PRXL2A: variants seen among roughly 807,000 people sequenced by gnomAD.
PRXL2A encodes peroxiredoxin-like 2A.
In PRXL2A, 26 loss-of-function variants were observed where a neutral mutation model predicts 25.6. The observed-to-expected ratio is 1.02, with a 90% CI of 0.74 to 1.41. The LOEUF (loss-of-function observed/expected upper bound fraction) is 1.41. PRXL2A is among the 40% of genes most tolerant of loss of function. PRXL2A has a pLI of 0.00. For missense variants in PRXL2A, 246 were observed against 273.9 expected (o/e 0.90, Z 0.72); for synonymous variants, 98 against 102.9 (o/e 0.95, Z 0.29).
chr10:80,423,553 G>A (rs1479470873), intron 3 of PRXL2A, among the ~76,000 whole-genome samples: 1 of 152,224 alleles, frequency 6.6e-6, no homozygotes, highest in Non-Finnish European at 1.5e-5. Flanking sequence ...ATGCTTGTGT[G>A]GCTGGGCTGG....
Position 80,434,022 on chromosome 10 carries a change from A to G in PRXL2A, c.*1923A>G, listed in dbSNP as rs1845337090. 6.6e-6 allele frequency: 1 copy of G among 152,296 alleles called. No individual in the cohort carries two copies. The highest frequency in any genetic ancestry group is 1.5e-5 in the Non-Finnish European group (1 of 68,124). The allele number at this position is 152,296 out of a possible 1,614,324, so 9.4% of individuals were successfully genotyped here. Reference sequence around the variant, plus strand: ...GTGGTACATGCCTGTAATCCCAGCTACTTGGGAGGCTGAGGCAGGAGAATC... The same window carrying G: ...GTGGTACATGCCTGTAATCCCAGCTGCTTGGGAGGCTGAGGCAGGAGAATC... On this transcript the variant is annotated 3_prime_UTR_variant, in exon 6 of 6. Transcript: ENST00000606162.
chr10:80,415,552 C>T (rs1469236082), intron 1 of PRXL2A, among the ~76,000 whole-genome samples: 1 of 152,230 alleles, frequency 6.6e-6, no homozygotes, highest in African/African-American at 2.4e-5. Context: ...GCTACCCAGA[C>T]TGGCTGTTAT....
At chr10:80,421,996 C>G (rs539802710) in intron 2 of PRXL2A, among the ~76,000 whole-genome samples, 1 of 152,170 alleles carries the variant, frequency 6.6e-6, no homozygotes, top group African/African-American at 2.4e-5. Context: ...TCCTCTCCTT[C>G]GTTAATAATA....
rs1014899133 is a variant in PRXL2A at position 80,432,495 on chromosome 10, C to T, written c.*396C>T. 1.9e-5 allele frequency: 3 copies of T among 158,706 alleles called. No homozygotes were observed. The highest frequency in any genetic ancestry group is 7.2e-5 in the African/African-American group (3 of 41,396). 9.8% of individuals were successfully genotyped at this position (158,706 alleles called of 1,614,324 possible). ...GTCTCTACTAAAAATACAAAAATCA[C>T]CCGGGTGTGGTGGCAGGCACCTGTA... On this transcript the variant is annotated 3_prime_UTR_variant, in exon 6 of 6. Transcript: ENST00000606162.
chr10:80,432,655 A>T lies in PRXL2A; in HGVS notation c.*556A>T, dbSNP rs962911073. On this transcript the variant is annotated 3_prime_UTR_variant, in exon 6 of 6. Transcript: ENST00000606162. ...CTAACTAAAAAAAAAAAAAAAAAAA[A>T]ATTGATTGCTGTGCCTCATTACAAA... 1.3e-5 allele frequency: 2 copies of T among 151,318 alleles called. No individual in the cohort carries two copies. Among genetic ancestry groups the T allele is most frequent in the African/African-American group, 4.9e-5 (2 of 41,106 alleles). The allele number at this position is 151,318 out of a possible 1,614,324, so 9.4% of individuals were successfully genotyped here.
chr10:80,424,013 C>G (rs949164506), intron 3 of PRXL2A, among the ~76,000 whole-genome samples: 1 of 152,098 alleles, frequency 6.6e-6, no homozygotes, highest in Non-Finnish European at 1.5e-5. Flanking sequence ...GCATGGAAGC[C>G]TGTTTTGACT....
At chr10:80,431,766 C>T (rs1185756791) in intron 5 of PRXL2A, among the ~76,000 whole-genome samples, 1 of 152,192 alleles carries the variant, frequency 6.6e-6, no homozygotes, top group Non-Finnish European at 1.5e-5. Flanking sequence ...CTTCTGACTT[C>T]CTGCTTCTAG....
intron 2 of PRXL2A, 76 bp downstream of exon 2, chr10:80,420,721 C>T: frequency 8.8e-7 from 1 of 1,135,522 alleles, no homozygotes; most frequent in South Asian, 2.6e-5. Flanking sequence ...TTTCTAAACT[C>T]TCTCCTTTTT....
chr10:80,431,512 A>C (rs1323068645), intron 5 of PRXL2A, among the ~76,000 whole-genome samples: 1 of 152,104 alleles, frequency 6.6e-6, no homozygotes, highest in African/African-American at 2.4e-5. Context: ...ATGAGAAGAA[A>C]GTGGCTTCCA....
chr10:80,409,587 A>G (rs183728500), intron 1 of PRXL2A, among the ~76,000 whole-genome samples: 138 of 152,324 alleles, frequency 9.1e-4, no homozygotes, highest in Admixed American at 1.6e-3. Context: ...AAGCATTGTG[A>G]AAAAGTCAGC....
At position 80,427,494 on chromosome 10, in the gene PRXL2A, C is replaced by T. The variant is rs1417124638; in HGVS notation, c.574C>T (p.Gln192Ter). 3 of 1,613,906 alleles carry T rather than the reference C, an allele frequency of 1.9e-6. No homozygotes were observed. In the South Asian group the frequency reaches 3.3e-5, roughly 18 times the overall value. Reference sequence around the variant, plus strand: ...AGTTTTCGTGGTGGGATCAGGAAAGCAGGTGAGTTCTTGGTGTTTACTTGT... The same window carrying T: ...AGTTTTCGTGGTGGGATCAGGAAAGTAGGTGAGTTCTTGGTGTTTACTTGT... ...GGVFVVGSGK[Q>*]GILLEHREKE... The change falls in exon 5 of 6, where the codon CAG becomes TAG. Residue 192 changes from glutamine (Q) to a stop codon, truncating the protein, a stop_gained and splice_region_variant. Transcript: ENST00000606162. LOFTEE classifies it high-confidence loss of function.
chr10:80,431,367 A>T (rs900160719), intron 5 of PRXL2A, among the ~76,000 whole-genome samples: 6 of 151,218 alleles, frequency 4.0e-5, no homozygotes, highest in Admixed American at 3.3e-4. Context: ...GAGTTTCCAG[A>T]TGTAATGAAT....
chr10:80,408,128 C>A (rs560943937), upstream of PRXL2A, among the ~76,000 whole-genome samples: 2 of 149,758 alleles, frequency 1.3e-5, no homozygotes, highest in East Asian at 3.9e-4. Flanking sequence ...AGGGGCTCAT[C>A]GAATGTGTCG....
chr10:80,420,051 G>T (rs932275922), intron 1 of PRXL2A: 2 of 986,342 alleles, frequency 2.0e-6, no homozygotes, highest in Non-Finnish European at 2.4e-6. Flanking sequence ...ACATGATCCT[G>T]AGCCACCTGG....
chr10:80,418,542 A>C (rs575110202), intron 1 of PRXL2A, among the ~76,000 whole-genome samples: 94 of 151,674 alleles, frequency 6.2e-4, no homozygotes, highest in Non-Finnish European at 1.1e-3. Context: ...GATCCTTTAG[A>C]GACATCCTCT....
chr10:80,427,389 G>T lies in PRXL2A; in HGVS notation c.469G>T (p.Gly157Ter). The change falls in exon 5 of 6, where the codon GGA becomes TGA. Residue 157 changes from glycine to a stop codon, truncating the protein, a stop_gained. Transcript: ENST00000606162. LOFTEE classifies it high-confidence loss of function. ...GATGTTTATGGGATTTATCCGTCTG[G>T]GAGTGTGGTACAACTTCTTCCGAGC... The part of the protein sequence containing the change: ...KMMFMGFIRL[G>*]VWYNFFRAWN... 1 of 1,614,148 alleles carries T rather than the reference G, an allele frequency of 6.2e-7. No homozygotes were observed. The highest frequency in any genetic ancestry group is 2.2e-5 in the East Asian group (1 of 44,872).
Position 80,432,213 on chromosome 10 carries a change from C to T in PRXL2A, c.*114C>T, listed in dbSNP as rs41284102. On this transcript the variant is annotated 3_prime_UTR_variant, in exon 6 of 6. Coordinates refer to ENST00000606162, the MANE Select transcript of PRXL2A (RefSeq NM_032333.5). ...GAGAAACCCATTTATACTCTACTCTCAGTATGGATTATTAATGTATTTTAA... is the reference window on the plus strand; with the variant it reads ...GAGAAACCCATTTATACTCTACTCTTAGTATGGATTATTAATGTATTTTAA... The T allele has an allele frequency of 1.1e-5, 7 of 626,738 alleles. No individual in the cohort carries two copies. The highest frequency in any genetic ancestry group is 1.9e-5 in the Non-Finnish European group (7 of 360,280). 38.8% of individuals were successfully genotyped at this position (626,738 alleles called of 1,614,324 possible).
chr10:80,427,811 C>T (rs1294136171), intron 5 of PRXL2A, among the ~76,000 whole-genome samples: 1 of 152,170 alleles, frequency 6.6e-6, no homozygotes, highest in Non-Finnish European at 1.5e-5. Context: ...TCATCGGTGG[C>T]TCTGCTAGGC....
intron 1 of PRXL2A, chr10:80,420,043 A>G (rs1844805683): frequency 1.0e-6 from 1 of 986,174 alleles, no homozygotes; most frequent in Non-Finnish European, 1.2e-6. Context: ...ACCCAGGGAC[A>G]TGATCCTGAG....
Sources: gnomAD v4.1 joint callset for allele counts (sites outside exome capture counted in the v4.1 genomes callset) on GRCh38, gnomAD v4.1.1 for gene constraint, MANE v1.5 for transcripts, NCBI Gene and HGNC (gene_info 2026-07-23, HGNC 2026-07-21) for gene names.